FBXW5: variants seen among roughly 807,000 people sequenced by gnomAD.
FBXW5 encodes the protein F-box/WD repeat-containing protein 5.
In FBXW5, 74 loss-of-function variants were observed where a neutral mutation model predicts 50.9. That is an observed-to-expected ratio of 1.45 (90% CI 1.20 to 1.76). FBXW5 has a LOEUF of 1.76. Ranked by LOEUF, FBXW5 falls within the 40% of genes most tolerant of loss-of-function variation. The pLI, the probability that FBXW5 is intolerant of heterozygous loss-of-function variation, is 0.00. For synonymous variants in FBXW5, 523 were observed against 362.2 expected (o/e 1.44, Z -5.04); for missense variants, 1,073 against 818.8 (o/e 1.31, Z -3.79).
chr9:136,942,231 T>G lies in FBXW5; in HGVS notation c.911A>C (p.His304Pro). ...APAHAKEGLRHFLDRVLEGRA... is the reference protein window; with the variant it reads ...APAHAKEGLRPFLDRVLEGRA... ...CCCCTCCAGCACGCGGTCCAGAAAGTGCCGCAAGCCCTCCTTGGCGTGGGC... is the reference window on the plus strand; with the variant it reads ...CCCCTCCAGCACGCGGTCCAGAAAGGGCCGCAAGCCCTCCTTGGCGTGGGC... Residue 304 changes from histidine (H) to proline (P), a missense_variant, in exon 6 of 9, where the codon CAC becomes CCC. Physicochemically the swap from His to Pro is moderately conservative, Grantham distance 77. Transcript: ENST00000325285. The G allele has an allele frequency of 1.3e-6, 2 of 1,589,314 alleles. No homozygotes were observed. Among genetic ancestry groups the G allele is most frequent in the Non-Finnish European group, 1.7e-6 (2 of 1,169,126 alleles).
intron 6 of FBXW5, 58 bp downstream of exon 6, chr9:136,941,988 G>A: frequency 6.6e-7 from 1 of 1,523,728 alleles, no homozygotes; most frequent in Non-Finnish European, 8.8e-7. Flanking sequence ...CAGGACCCCT[G>A]CCCGGCCTCC....
chr9:136,944,274 G>A (rs1190042787), intron 1 of FBXW5, 168 bp from the exon 2 acceptor site: 5 of 784,660 alleles, frequency 6.4e-6, no homozygotes, highest in Non-Finnish European at 7.3e-6. Flanking sequence ...AGCTCCGGGC[G>A]GGCCGGGCCG....
At chr9:136,944,462 G>A in intron 1 of FBXW5, 132 bp downstream of exon 1, 2 of 974,052 alleles carry the variant, frequency 2.1e-6, no homozygotes, top group Non-Finnish European at 2.4e-6. Flanking sequence ...CTGCGGCCCT[G>A]GAGCAGCTCT....
At position 136,940,993 on chromosome 9, in the gene FBXW5, C is replaced by T. The variant is rs771667923; in HGVS notation, c.1636G>A (p.Val546Ile). ...GGCCGTGGGCGAGGTGCCTGGAGGA[C>T]GCGCATGGTGCGTGGGGAGCGCCAG... ...KAWRSPRTMR[V>I]LQAPRPRPRT... is the part of the protein sequence containing the mutation. Residue 546 changes from valine (V) to isoleucine (I), a missense_variant, in exon 9 of 9, where the codon GTC (valine) becomes ATC (isoleucine). Val to Ile is a conservative substitution (Grantham distance 29, BLOSUM62 3). Coordinates refer to ENST00000325285, the MANE Select transcript of FBXW5 (RefSeq NM_018998.4). The T allele has an allele frequency of 3.3e-5, 51 of 1,557,304 alleles. No individual in the cohort carries two copies. Among genetic ancestry groups the T allele is most frequent in the Non-Finnish European group, 4.1e-5 (47 of 1,150,636 alleles).
intron 2 of FBXW5, 126 bp downstream of exon 2, chr9:136,943,765 G>A (rs1211009269): frequency 1.7e-6 from 2 of 1,154,160 alleles, no homozygotes; most frequent in African/African-American, 3.1e-5. Flanking sequence ...GCCTCTATCA[G>A]GGTGTGGGGG....
chr9:136,941,912 C>CT (rs1228107365), intron 6 of FBXW5, 134 bp downstream of exon 6: 3 of 1,439,426 alleles, frequency 2.1e-6, no homozygotes, highest in South Asian at 1.5e-5. Context: ...CAGGTCTGGG[C>CT]TTGTGACCCC....
rs1381850985 is a variant in FBXW5 at position 136,940,555 on chromosome 9, A to G, written c.*373T>C. On this transcript the variant is annotated 3_prime_UTR_variant, in exon 9 of 9. Coordinates refer to ENST00000325285, the MANE Select transcript of FBXW5 (RefSeq NM_018998.4). ...CCCCGGGCGCACAACCACAGCCAGG[A>G]GCAGCCCCTGCCACCACTGGGCCAC... 7.1e-6 allele frequency: 2 copies of G among 282,888 alleles called. No individual in the cohort carries two copies. The highest frequency in any genetic ancestry group is 1.4e-5 in the Non-Finnish European group (2 of 144,590). The allele number at this position is 282,888 out of a possible 1,614,324, so 17.5% of individuals were successfully genotyped here. A position where few individuals can be genotyped will look rare whatever the true frequency, so the allele number is the denominator to read the frequency against.
intron 3 of FBXW5, 177 bp from the exon 4 acceptor site, chr9:136,943,120 T>A (rs1462462293): frequency 9.0e-7 from 1 of 1,115,202 alleles, no homozygotes; most frequent in African/African-American, 1.5e-5. Flanking sequence ...CGGAGGAGCC[T>A]GCCCCTGAAG....
At chr9:136,944,297 C>T (rs1237163688) in intron 1 of FBXW5, 191 bp from the exon 2 acceptor site, 20 of 666,960 alleles carry the variant, frequency 3.0e-5, no homozygotes, top group Non-Finnish European at 4.1e-5. Flanking sequence ...CCCTCTCCGC[C>T]GCGTCATCCC....
intron 6 of FBXW5, 179 bp from the exon 7 acceptor site, chr9:136,941,863 C>A: frequency 7.0e-7 from 1 of 1,435,958 alleles, no homozygotes; most frequent in Non-Finnish European, 9.1e-7. Flanking sequence ...GGCCAGCGGC[C>A]CTGCCTGCGT....
In FBXW5 at chr9:136,942,366, C is replaced by A. The variant is rs376852286; in HGVS notation, c.776G>T (p.Arg259Leu). ...VRTVMVADCS[R>L]FDSPDLLLEA... ...CAGCAGCAGGTCAGGGCTGTCGAAG[C>A]GGCTGCAGTCGGCCACCATCACCGT... Residue 259 changes from arginine to leucine, a missense_variant, in exon 6 of 9, where the codon CGC (arginine) becomes CTC (leucine). Coordinates refer to ENST00000325285, the MANE Select transcript of FBXW5 (RefSeq NM_018998.4). The A allele has an allele frequency of 1.9e-6, 3 of 1,608,838 alleles. No homozygotes were observed. Among genetic ancestry groups the A allele is most frequent in the Non-Finnish European group, 2.5e-6 (3 of 1,178,390 alleles).
rs976580993 is a variant in FBXW5, at chr9:136,940,819, C to T, written c.*109G>A. 50 of 1,439,210 alleles carry T rather than the reference C, an allele frequency of 3.5e-5. No individual in the cohort carries two copies. The highest frequency in any genetic ancestry group is 4.4e-5 in the Non-Finnish European group (48 of 1,087,062). 89.2% of individuals were successfully genotyped at this position (1,439,210 alleles called of 1,614,324 possible). On this transcript the variant is annotated 3_prime_UTR_variant, in exon 9 of 9. Transcript: ENST00000325285. ...GTGGCGGGGCCTGGTTGTCCCCTTC[C>T]TAAGGCGTAACTGCTATAAGCATCT...
In FBXW5 at chr9:136,940,917, C is replaced by G; in HGVS notation, c.*11G>C. 2 of 1,577,050 alleles carry G rather than the reference C, an allele frequency of 1.3e-6. No homozygotes were observed. Among genetic ancestry groups the G allele is most frequent in the Non-Finnish European group, 1.7e-6 (2 of 1,164,210 alleles). ...AAGGGGTCCCGGTGGCTCCAGTGCA[C>G]CCAGCACACCTCAGCGCCTCTGGCT... On this transcript the variant is annotated 3_prime_UTR_variant, in exon 9 of 9. Transcript: ENST00000325285.
In FBXW5 at chr9:136,941,640, C is replaced by T. The variant is rs776988341; in HGVS notation, c.1141G>A (p.Val381Met). 1.7e-5 allele frequency: 26 copies of T among 1,571,812 alleles called. No homozygotes were observed. Among genetic ancestry groups the T allele is most frequent in the African/African-American group, 8.1e-5 (6 of 73,878 alleles). Reference sequence around the variant, plus strand: ...TCGGAGCCCCGGCCCTCACCCAGCACGGGCCCTGCCGTGGTCATCTGGTGT... The same window carrying T: ...TCGGAGCCCCGGCCCTCACCCAGCATGGGCCCTGCCGTGGTCATCTGGTGT... ...LPHQMTTAGP[V>M]LGEGRGSDAF... is the part of the protein sequence containing the mutation. Residue 381 changes from valine (V) to methionine (M), a missense_variant, in exon 7 of 9, where the codon GTG becomes ATG. Coordinates refer to ENST00000325285, the MANE Select transcript of FBXW5 (RefSeq NM_018998.4).
At position 136,943,999 on chromosome 9, in the gene FBXW5, C is replaced by T. The variant is rs758728329; in HGVS notation, c.85G>A (p.Ala29Thr). The change falls in exon 2 of 9, where the codon GCC (alanine) becomes ACC (threonine). Residue 29 changes from alanine to threonine, a missense_variant. Physicochemically the swap from Ala to Thr is moderately conservative, Grantham distance 58. Transcript: ENST00000325285. ...LSLGPADVLA[A>T]GLVCRQWQAV... ...TGCCATTGGCGGCACACCAGCCCGG[C>T]GGCCAGCACGTCGGCCGGGCCCAGG... is the stretch of plus-strand genomic sequence containing the variant. 5 of 1,593,008 alleles carry T rather than the reference C, an allele frequency of 3.1e-6. No homozygotes were observed. The East Asian group carries it at 6.9e-5, about 22-fold the overall frequency.
In FBXW5 at chr9:136,941,661, G is replaced by A. The variant is rs1442946844; in HGVS notation, c.1120C>T (p.Gln374Ter). 11 of 1,564,514 alleles carry A rather than the reference G, an allele frequency of 7.0e-6. No homozygotes were observed. The Admixed American group carries it at 2.1e-4, about 29-fold the overall frequency. ...AGCACGGGCCCTGCCGTGGTCATCT[G>A]GTGTGGCAGGATCTGCTTGATGCCT... The part of the protein sequence containing the change: ...QIGIKQILPH[Q>*]MTTAGPVLGE... Residue 374 changes from glutamine to a stop codon, truncating the protein, a stop_gained, in exon 7 of 9, where the codon CAG (glutamine) becomes TAG (stop). Transcript: ENST00000325285. LOFTEE classifies it high-confidence loss of function.
At position 136,940,988 on chromosome 9, in the gene FBXW5, G is replaced by C. The variant is rs1161555472; in HGVS notation, c.1641C>G (p.Leu547=). 1.3e-6 allele frequency: 2 copies of C among 1,558,468 alleles called. No homozygotes were observed. The highest frequency in any genetic ancestry group is 1.9e-5 in the Admixed American group (1 of 52,330). ...TGCGAGGCCGTGGGCGAGGTGCCTG[G>C]AGGACGCGCATGGTGCGTGGGGAGC... ...AWRSPRTMRV[L]QAPRPRPRTF... is the part of the protein sequence containing the mutation. The change falls in exon 9 of 9, where the codon CTC becomes CTG. Residue 547 remains leucine, a synonymous_variant. Transcript: ENST00000325285.
chr9:136,941,514 T>C (rs1334718544), intron 7 of FBXW5, 23 bp downstream of exon 7: 1 of 1,606,552 alleles, frequency 6.2e-7, no homozygotes, highest in Admixed American at 1.7e-5. Context: ...GCACCCCGCC[T>C]GGGACACTGG....
rs2131361636 is a variant in FBXW5 at position 136,943,932 on chromosome 9, T to C, written c.152A>G (p.Tyr51Cys). Reference sequence around the variant, plus strand: ...GTCGCGGGCCACCTGGTAGTAGCGGTAGAACTGCTCCCTCCACAGGAACTC... The same window carrying C: ...GTCGCGGGCCACCTGGTAGTAGCGGCAGAACTGCTCCCTCCACAGGAACTC... The part of the protein sequence containing the change: ...RDEFLWREQF[Y>C]RYYQVARDVP... Residue 51 changes from tyrosine to cysteine, a missense_variant, in exon 2 of 9, where the codon TAC becomes TGC. By Grantham distance (194) the Tyr-to-Cys change is radical. Transcript: ENST00000325285. The C allele has an allele frequency of 6.4e-7, 1 of 1,552,108 alleles. No homozygotes were observed. Among genetic ancestry groups the C allele is most frequent in the Non-Finnish European group, 8.7e-7 (1 of 1,148,346 alleles).
Sources: allele counts gnomAD v4.1 joint callset, GRCh38; gene constraint gnomAD v4.1.1; transcripts MANE v1.5; gene names NCBI Gene and HGNC (gene_info 2026-07-23, HGNC 2026-07-21).